The following DNAJB6 variants were observed in gnomAD, a reference collection of about 807,000 sequenced individuals.
DNAJB6 encodes DnaJ heat shock protein family (Hsp40) member B6, also known as dnaJ homolog subfamily B member 6.
DNAJB6 carries 16 observed loss-of-function variants against 42.7 expected under a neutral mutation model. The observed-to-expected ratio is 0.37, with a 90% confidence interval of 0.25 to 0.57. The LOEUF (loss-of-function observed/expected upper bound fraction) is 0.57. Ranked by LOEUF, DNAJB6 falls within the 20% of genes least tolerant of loss-of-function variation. The probability of loss-of-function intolerance (pLI) is 0.74; values close to 1 mark genes in which losing one functional copy is unlikely to be tolerated. For synonymous variants in DNAJB6, 170 were observed against 163.5 expected (o/e 1.04, Z -0.30); for missense variants, 347 against 416.8 (o/e 0.83, Z 1.46).
intron 5 of DNAJB6, among the ~76,000 whole-genome samples, chr7:157,377,213 TA>T (rs146326749): frequency 0.14 from 21,298 of 152,044 alleles, 2,955 homozygotes; most frequent in African/African-American, 0.36. Context: ...GCCATGTTAA[TA>T]AGACTGTTCA....
intron 1 of DNAJB6, among the ~76,000 whole-genome samples, chr7:157,346,866 G>GT (rs1201327222): frequency 2.0e-5 from 3 of 152,034 alleles, no homozygotes; most frequent in Non-Finnish European, 2.9e-5. Flanking sequence ...TTTTTTTCTT[G>GT]TTTTCTTGAG....
chr7:157,344,131 G>C (rs1230322384), intron 1 of DNAJB6, among the ~76,000 whole-genome samples: 1 of 152,152 alleles, frequency 6.6e-6, no homozygotes, highest in African/African-American at 2.4e-5. Flanking sequence ...ACAAGGTCAG[G>C]AGTTTGAGAC....
chr7:157,416,049 A>G lies in DNAJB6; in HGVS notation c.932A>G (p.Lys311Arg), dbSNP rs775708476. Residue 311 changes from lysine to arginine, a missense_variant, in exon 10 of 10, where the codon AAG becomes AGG. Coordinates refer to ENST00000262177, the MANE Select transcript of DNAJB6 (RefSeq NM_058246.4). ...GAAGGTGGCAAGAGGAAGAAGCAGA[A>G]GCAGAGAGAGGAGTCGAAGAAGAAG... is the stretch of plus-strand genomic sequence containing the variant. The part of the protein sequence containing the change: ...LKEGGKRKKQ[K>R]QREESKKKKS... 5 of 1,614,214 alleles carry G rather than the reference A, an allele frequency of 3.1e-6. No individual in the cohort carries two copies. The Admixed American group carries it at 8.3e-5, about 27-fold the overall frequency.
chr7:157,398,355 G>A (rs1801694989), intron 8 of DNAJB6, among the ~76,000 whole-genome samples: 1 of 152,112 alleles, frequency 6.6e-6, no homozygotes, highest in Admixed American at 6.5e-5. Flanking sequence ...TGTAAGTAGC[G>A]ACTAACCCCC....
chr7:157,390,699 C>T (rs1309525293), intron 8 of DNAJB6, among the ~76,000 whole-genome samples: 1 of 152,182 alleles, frequency 6.6e-6, no homozygotes, highest in African/African-American at 2.4e-5. Flanking sequence ...GTGACCTTTT[C>T]CTCTGCCTTC....
chr7:157,369,616 AACATTGTTATTAAAGAGGCCCTTTCTTC>A lies in DNAJB6; in HGVS notation c.346+2139_346+2166del, dbSNP rs1473471577. 131 of 303,358 alleles carry A rather than the reference AACATTGTTATTAAAGAGGCCCTTTCTTC, an allele frequency of 4.3e-4. 2 individuals are homozygous for A. The highest frequency in any genetic ancestry group is 2.9e-3 in the African/African-American group (124 of 42,924). 18.8% of individuals were successfully genotyped at this position (303,358 alleles called of 1,614,324 possible). A position where few individuals can be genotyped will look rare whatever the true frequency, so the allele number is the denominator to read the frequency against. Reference sequence around the variant, plus strand: ...ATTATTATTAAATAGGCCCCTTCTTAACATTGTTATTAAAGAGGCCCTTTCTTCACATTATTATTAAACAGGCCCCTTC... The same window carrying A: ...ATTATTATTAAATAGGCCCCTTCTTAACATTATTATTAAACAGGCCCCTTC... On this transcript the variant is annotated intron_variant, in intron 5 of 9. Coordinates refer to ENST00000262177, the MANE Select transcript of DNAJB6 (RefSeq NM_058246.4).
rs774391788 is a variant in DNAJB6, at chr7:157,416,135, G to A, written c.*37G>A. The stretch of plus-strand genomic sequence containing the variant: ...GGCACGCGGTGCACCCCCAGACGCT[G>A]GCGCTCCACCGTGCTCGGCATGCGG... On this transcript the variant is annotated 3_prime_UTR_variant, in exon 10 of 10. Coordinates refer to ENST00000262177, the MANE Select transcript of DNAJB6 (RefSeq NM_058246.4). The A allele has an allele frequency of 4.4e-6, 7 of 1,601,836 alleles. No individual in the cohort carries two copies. The highest frequency in any genetic ancestry group is 1.7e-4 in the Middle Eastern group (1 of 5,882).
chr7:157,365,212 G>C (rs191192314), intron 3 of DNAJB6, among the ~76,000 whole-genome samples: 7 of 152,370 alleles, frequency 4.6e-5, no homozygotes, highest in Non-Finnish European at 1.0e-4. Flanking sequence ...CCTTGCCCAC[G>C]CAAAGTGTTG....
At chr7:157,409,761 AC>A in intron 8 of DNAJB6, 33 bp from the exon 9 acceptor site, 1 of 1,494,688 alleles carries the variant, frequency 6.7e-7, no homozygotes, top group Non-Finnish European at 8.9e-7. Context: ...GCCGCCGCTC[AC>A]TCACGGCTCT....
intron 5 of DNAJB6, among the ~76,000 whole-genome samples, chr7:157,372,410 GGCGAGGAGT>G (rs1800259906): frequency 6.6e-6 from 1 of 152,040 alleles, no homozygotes; most frequent in African/African-American, 2.4e-5. Context: ...AGAGGAGCTC[GGCGAGGAGT>G]GCGAGGAGCC....
intron 1 of DNAJB6, among the ~76,000 whole-genome samples, chr7:157,351,817 A>G (rs1798994886): frequency 6.7e-6 from 1 of 150,232 alleles, no homozygotes; most frequent in African/African-American, 2.5e-5. Flanking sequence ...AAAAACCCAA[A>G]AAACAAAACA....
chr7:157,415,875 G>A (rs920959158), intron 9 of DNAJB6, 141 bp from the exon 10 acceptor site: 1 of 1,480,734 alleles, frequency 6.8e-7, no homozygotes, highest in African/African-American at 1.4e-5. Context: ...CCCGTTTTGA[G>A]GTTTAGCTGT....
intron 8 of DNAJB6, among the ~76,000 whole-genome samples, chr7:157,408,263 G>C (rs939322013): frequency 1.3e-5 from 2 of 152,208 alleles, no homozygotes; most frequent in Admixed American, 6.5e-5. Flanking sequence ...CACAGCCTGC[G>C]TTTACGGTGC....
chr7:157,337,484 G>A (rs1375969594), intron 1 of DNAJB6: 1 of 151,570 alleles, frequency 6.6e-6, no homozygotes, highest in Non-Finnish European at 1.5e-5. Context: ...CTCGGCTGGG[G>A]CTCGGCGGGG....
chr7:157,353,586 G>GGTGTGTGTGTGTGTGTGTGTGT (rs370854040), intron 1 of DNAJB6, among the ~76,000 whole-genome samples: 42 of 140,098 alleles, frequency 3.0e-4, no homozygotes, highest in African/African-American at 1.0e-3. Flanking sequence ...TCTTGACCGG[G>GGTGTGTGTGTGTGTGTGTGTGT]GTGTGTGTGT....
intron 5 of DNAJB6, among the ~76,000 whole-genome samples, chr7:157,374,919 C>T (rs1008100245): frequency 7.2e-5 from 11 of 152,204 alleles, no homozygotes; most frequent in African/African-American, 2.4e-4. Flanking sequence ...CTGAGCAAGA[C>T]GTTGCCTGAG....
chr7:157,385,690 C>A, intron 8 of DNAJB6, 79 bp downstream of exon 8: 1 of 1,586,698 alleles, frequency 6.3e-7, no homozygotes, highest in Middle Eastern at 2.2e-4. Context: ...ATAACAAGCA[C>A]CATTTGAGGA....
At chr7:157,340,548 A>G (rs1011454007) in intron 1 of DNAJB6, among the ~76,000 whole-genome samples, 2 of 151,462 alleles carry the variant, frequency 1.3e-5, no homozygotes, top group African/African-American at 2.4e-5. Context: ...TTTTTTTTGT[A>G]TTGATATTAA....
At chr7:157,394,359 T>C (rs544360621) in intron 8 of DNAJB6, among the ~76,000 whole-genome samples, 3 of 152,286 alleles carry the variant, frequency 2.0e-5, no homozygotes, top group African/African-American at 2.4e-5. Flanking sequence ...GCTGCCCCTG[T>C]GTATCTACCT....
Sources: allele counts gnomAD v4.1 joint callset (sites outside exome capture counted in the v4.1 genomes callset), GRCh38; gene constraint gnomAD v4.1.1; transcripts MANE v1.5; gene names NCBI Gene and HGNC (gene_info 2026-07-23, HGNC 2026-07-21).